Variants in FARSB observed in about 807,000 individuals in gnomAD.
The protein encoded by FARSB is phenylalanine--tRNA ligase beta subunit.
FARSB carries 40 observed loss-of-function variants against 69.6 expected under a neutral mutation model. The ratio of observed to expected loss-of-function variants is 0.57; its 90% CI spans 0.45 to 0.75. The LOEUF is 0.75. Ranked by LOEUF, FARSB falls within the 30% of genes least tolerant of loss-of-function variation. The pLI is 0.00. For missense variants in FARSB, 632 were observed against 722.9 expected (o/e 0.87, Z 1.44); for synonymous variants, 235 against 247.2 (o/e 0.95, Z 0.46).
rs372065466 is a variant in FARSB, at chr2:222,645,014, T to C, written c.115-2009A>G. ...AAAAAAAAAGACACAGAAGCTTACA[T>C]CTTCTTTCAGTTTCAGCATCTCAGC... On this transcript the variant is annotated intron_variant, in intron 2 of 16. Transcript: ENST00000281828. Among the ~76,000 whole-genome samples, 8 of 150,722 alleles carry C rather than the reference T, an allele frequency of 5.3e-5. No individual in the cohort carries two copies. In the East Asian group the frequency reaches 1.2e-3, roughly 22 times the overall value.
chr2:222,648,588 T>C (rs1269809673), intron 2 of FARSB, 152 bp downstream of exon 2: 1 of 645,548 alleles, frequency 1.5e-6, no homozygotes, highest in African/African-American at 1.8e-5. Context: ...CAGACAGACA[T>C]GGAGCTTAGC....
At chr2:222,634,984 T>A (rs1018649701) in intron 5 of FARSB, among the ~76,000 whole-genome samples, 4 of 152,234 alleles carry the variant, frequency 2.6e-5, no homozygotes, top group Admixed American at 1.3e-4. Flanking sequence ...TCCTAAATTT[T>A]ATCACATAGC....
chr2:222,572,043 GA>G (rs1689731064), intron 16 of FARSB, 21 bp from the exon 17 acceptor site: 1 of 1,601,128 alleles, frequency 6.2e-7, no homozygotes, highest in Non-Finnish European at 8.5e-7. Flanking sequence ...GAAAGTAAGA[GA>G]AAAATCAATG....
intron 15 of FARSB, among the ~76,000 whole-genome samples, chr2:222,601,831 T>C (rs1240232710): frequency 6.6e-6 from 1 of 152,120 alleles, no homozygotes; most frequent in Non-Finnish European, 1.5e-5. Flanking sequence ...ACTCAGCTAA[T>C]TTTTTAATTT....
intron 16 of FARSB, among the ~76,000 whole-genome samples, chr2:222,592,519 A>G (rs979041153): frequency 1.3e-5 from 2 of 152,100 alleles, no homozygotes; most frequent in African/African-American, 4.8e-5. Flanking sequence ...TCTCACATGT[A>G]TAAGATAAAA....
At chr2:222,634,759 T>C (rs1164327083) in intron 5 of FARSB, among the ~76,000 whole-genome samples, 1 of 152,206 alleles carries the variant, frequency 6.6e-6, no homozygotes, top group Non-Finnish European at 1.5e-5. Flanking sequence ...TTAAGAGTAC[T>C]GAGAAATCAC....
At chr2:222,639,505 G>C (rs556526289) in intron 5 of FARSB, 75 bp downstream of exon 5, 1 of 563,902 alleles carries the variant, frequency 1.8e-6, no homozygotes, top group South Asian at 3.3e-5. Flanking sequence ...AGAGGGAGAG[G>C]GATCAGGATG....
chr2:222,571,817 T>C lies in FARSB; in HGVS notation c.*54A>G. 2.0e-6 allele frequency: 3 copies of C among 1,494,412 alleles called. No homozygotes were observed. Among genetic ancestry groups the C allele is most frequent in the Non-Finnish European group, 1.8e-6 (2 of 1,087,994 alleles). 92.6% of individuals were successfully genotyped at this position (1,494,412 alleles called of 1,614,324 possible). A position where few individuals can be genotyped will look rare whatever the true frequency, so the allele number is the denominator to read the frequency against. ...CCTGTGGAGGAGGACTTAAGGACAC[T>C]AGGGGAGGAGAAAGGGACACCTGGG... is the stretch of plus-strand genomic sequence containing the variant. On this transcript the variant is annotated 3_prime_UTR_variant, in exon 17 of 17. Transcript: ENST00000281828.
chr2:222,576,316 G>A (rs1043902910), intron 16 of FARSB, among the ~76,000 whole-genome samples: 1 of 149,940 alleles, frequency 6.7e-6, no homozygotes. Context: ...CCCACATATT[G>A]TACTGCTTGC....
intron 14 of FARSB, among the ~76,000 whole-genome samples, chr2:222,617,894 AAAAAT>A (rs1691038285): frequency 1.3e-5 from 2 of 152,236 alleles, no homozygotes; most frequent in Admixed American, 1.3e-4. Context: ...AAAAATAAAT[AAAAAT>A]AAAATAAAGT....
chr2:222,634,133 T>C (rs568047764), intron 6 of FARSB, among the ~76,000 whole-genome samples: 264 of 152,300 alleles, frequency 1.7e-3, no homozygotes, highest in Non-Finnish European at 3.3e-3. Flanking sequence ...AAGATTACAA[T>C]GTGGTATGGT....
At chr2:222,599,157 G>A (rs558808301) in intron 16 of FARSB, among the ~76,000 whole-genome samples, 5 of 152,264 alleles carry the variant, frequency 3.3e-5, no homozygotes, top group African/African-American at 1.2e-4. Context: ...TAAATGTTCT[G>A]TTAGAAATTT....
chr2:222,577,981 C>T (rs1449758485), intron 16 of FARSB, among the ~76,000 whole-genome samples: 1 of 152,142 alleles, frequency 6.6e-6, no homozygotes, highest in Non-Finnish European at 1.5e-5. Flanking sequence ...GGAAGAGCTT[C>T]AAGATGACCC....
intron 8 of FARSB, among the ~76,000 whole-genome samples, chr2:222,631,096 G>A (rs1691411118): frequency 6.6e-6 from 1 of 151,738 alleles, no homozygotes; most frequent in African/African-American, 2.4e-5. Context: ...ACTCAAAGTG[G>A]GTGAAGAATT....
At chr2:222,645,043 T>C (rs531487214) in intron 2 of FARSB, among the ~76,000 whole-genome samples, 5 of 150,588 alleles carry the variant, frequency 3.3e-5, no homozygotes, top group Admixed American at 1.3e-4. Context: ...TCTCAGCTCA[T>C]ACAATGACCA....
rs535811358 is a variant in FARSB, at chr2:222,648,748, C to G, written c.106G>C (p.Asp36His). ...ELCFEFGLEL[D>H]EITSEKEIIS... is the part of the protein sequence containing the mutation. ...AAATATCCAATACATACAATTTCAT[C>G]AAGCTCCAGACCAAATTCAAAACAT... Residue 36 changes from aspartate (D) to histidine (H), a missense_variant, in exon 2 of 17, where the codon GAT becomes CAT. Asp to His is a moderately conservative substitution (Grantham distance 81). Transcript: ENST00000281828. 60 of 1,592,718 alleles carry G rather than the reference C, an allele frequency of 3.8e-5. No individual in the cohort carries two copies. The highest frequency in any genetic ancestry group is 2.1e-4 in the South Asian group (19 of 90,602).
intron 16 of FARSB, among the ~76,000 whole-genome samples, chr2:222,595,470 C>A (rs1264127493): frequency 6.6e-6 from 1 of 152,164 alleles, no homozygotes; most frequent in Non-Finnish European, 1.5e-5. Context: ...ACTGTGTATA[C>A]AGATGGTACA....
At chr2:222,615,996 T>C (rs148604576) in intron 14 of FARSB, among the ~76,000 whole-genome samples, 1 of 152,342 alleles carries the variant, frequency 6.6e-6, no homozygotes, top group Non-Finnish European at 1.5e-5. Flanking sequence ...TTTATAGATA[T>C]GCCTTATTTG....
chr2:222,644,564 A>T, intron 2 of FARSB: 1 of 454,222 alleles, frequency 2.2e-6, no homozygotes, highest in South Asian at 1.6e-5. Context: ...CTCAGGAGGG[A>T]CCTATATACA....
Sources: allele counts gnomAD v4.1 joint callset (sites outside exome capture counted in the v4.1 genomes callset), GRCh38; gene constraint gnomAD v4.1.1; transcripts MANE v1.5; gene names NCBI Gene and HGNC (gene_info 2026-07-23, HGNC 2026-07-21).